Variants in AATF observed in about 807,000 individuals in gnomAD.
AATF encodes the protein protein AATF.
AATF carries 48 observed loss-of-function variants against 63.7 expected under a neutral mutation model. The ratio of observed to expected loss-of-function variants is 0.75; its 90% CI spans 0.60 to 0.96. AATF has a LOEUF of 0.96. Among genes scored for constraint, AATF ranks in the 40% least tolerant of loss-of-function variants. The probability of loss-of-function intolerance (pLI) is 0.00; values close to 1 mark genes in which losing one functional copy is unlikely to be tolerated. For missense variants in AATF, 639 were observed against 685.7 expected (o/e 0.93, Z 0.76); for synonymous variants, 258 against 247.7 (o/e 1.04, Z -0.39).
chr17:37,053,326 A>G (rs944809070), intron 11 of AATF, among the ~76,000 whole-genome samples: 3 of 152,030 alleles, frequency 2.0e-5, no homozygotes, highest in African/African-American at 7.2e-5. Context: ...ATATCCTAAT[A>G]ATAATCCAGA....
At chr17:37,017,966 A>C (rs2071440384) in intron 8 of AATF, among the ~76,000 whole-genome samples, 1 of 152,248 alleles carries the variant, frequency 6.6e-6, no homozygotes, top group African/African-American at 2.4e-5. Context: ...CCTCACCTAC[A>C]AAATCATTGC....
intron 7 of AATF, among the ~76,000 whole-genome samples, chr17:36,990,071 CTATA>C (rs950464452): frequency 7.9e-6 from 1 of 126,342 alleles, no homozygotes; most frequent in Non-Finnish European, 1.9e-5. Context: ...ATTTGTGTAA[CTATA>C]TATGTGTGCA....
At chr17:36,996,874 A>G (rs891733197) in intron 8 of AATF, among the ~76,000 whole-genome samples, 2 of 152,242 alleles carry the variant, frequency 1.3e-5, no homozygotes, top group Non-Finnish European at 2.9e-5. Context: ...AAAAAACATC[A>G]GAGCATGACT....
intron 10 of AATF, among the ~76,000 whole-genome samples, chr17:37,027,061 A>G (rs1171221820): frequency 6.6e-6 from 1 of 152,200 alleles, no homozygotes; most frequent in Non-Finnish European, 1.5e-5. Context: ...CAGTTTAAAT[A>G]ATAACACTTC....
chr17:37,033,223 T>A (rs1025526666), intron 11 of AATF, among the ~76,000 whole-genome samples: 3 of 152,240 alleles, frequency 2.0e-5, no homozygotes. Flanking sequence ...TGTCTAGATA[T>A]GGCCATGGTT....
chr17:36,964,525 A>ACCAAT (rs1567966730), intron 4 of AATF, among the ~76,000 whole-genome samples: 3 of 152,100 alleles, frequency 2.0e-5, no homozygotes, highest in Non-Finnish European at 4.4e-5. Flanking sequence ...CAAAACAAAA[A>ACCAAT]CCAATAAACT....
At chr17:36,971,404 C>T (rs1241901090) in intron 4 of AATF, among the ~76,000 whole-genome samples, 13 of 152,206 alleles carry the variant, frequency 8.5e-5, no homozygotes, top group African/African-American at 3.1e-4. Flanking sequence ...AACACAAATA[C>T]ACACCTGACA....
At chr17:37,007,106 T>C (rs2071346851) in intron 8 of AATF, among the ~76,000 whole-genome samples, 1 of 152,190 alleles carries the variant, frequency 6.6e-6, no homozygotes, top group African/African-American at 2.4e-5. Flanking sequence ...TCTGTAAATA[T>C]TGCACTTCCC....
intron 11 of AATF, among the ~76,000 whole-genome samples, chr17:37,053,051 C>G (rs534431508): frequency 6.6e-6 from 1 of 152,292 alleles, no homozygotes; most frequent in Non-Finnish European, 1.5e-5. Context: ...TGCCAGAACT[C>G]TGTCATTCCT....
chr17:37,009,456 G>T (rs879893654), intron 8 of AATF, among the ~76,000 whole-genome samples: 4 of 151,304 alleles, frequency 2.6e-5, no homozygotes, highest in African/African-American at 4.9e-5. Context: ...CAGTTAAATG[G>T]TTTTTTTTAT....
intron 4 of AATF, among the ~76,000 whole-genome samples, chr17:36,984,985 T>G (rs1393864660): frequency 6.8e-6 from 1 of 148,124 alleles, no homozygotes; most frequent in Non-Finnish European, 1.5e-5. Context: ...CACTGCAACC[T>G]CTGCCTCCCA....
chr17:37,009,709 G>T (rs913771822), intron 8 of AATF, among the ~76,000 whole-genome samples: 19 of 149,926 alleles, frequency 1.3e-4, no homozygotes, highest in Non-Finnish European at 2.1e-4. Context: ...CCCAGCTACT[G>T]GGGAGGCTGA....
At chr17:36,951,387 T>C (rs1449917593) in intron 2 of AATF, among the ~76,000 whole-genome samples, 1 of 152,136 alleles carries the variant, frequency 6.6e-6, no homozygotes, top group Non-Finnish European at 1.5e-5. Context: ...CGTCAGGCAC[T>C]GAGTTTAGCT....
At chr17:36,958,781 T>C (rs1452067547) in intron 4 of AATF, among the ~76,000 whole-genome samples, 1 of 152,228 alleles carries the variant, frequency 6.6e-6, no homozygotes, top group Non-Finnish European at 1.5e-5. Context: ...TCAGCATGTA[T>C]GTTCAAAAGA....
intron 11 of AATF, chr17:37,054,722 G>A (rs2071783719): frequency 7.9e-5 from 12 of 152,276 alleles, no homozygotes; most frequent in Admixed American, 7.9e-4. Context: ...TGGTAATGAT[G>A]GGGTCTGGTG....
intron 4 of AATF, among the ~76,000 whole-genome samples, chr17:36,982,648 A>T (rs1475206884): frequency 6.6e-6 from 1 of 152,142 alleles, no homozygotes; most frequent in Non-Finnish European, 1.5e-5. Flanking sequence ...CACCGCGCCC[A>T]GCCCAGTGTT....
intron 11 of AATF, 155 bp from the exon 12 acceptor site, chr17:37,056,446 G>A: frequency 8.7e-6 from 6 of 686,134 alleles, no homozygotes; most frequent in Non-Finnish European, 1.5e-5. Flanking sequence ...TCCTTCTGTT[G>A]TATTTGTGAG....
chr17:37,029,634 C>T (rs904917555), intron 10 of AATF, among the ~76,000 whole-genome samples: 4 of 152,072 alleles, frequency 2.6e-5, no homozygotes, highest in African/African-American at 9.7e-5. Context: ...GACATAATCT[C>T]GATTCACTGC....
intron 11 of AATF, chr17:37,034,611 C>T (rs2071576398): frequency 6.6e-6 from 1 of 151,872 alleles, no homozygotes; most frequent in African/African-American, 2.4e-5. Flanking sequence ...TAAGAATGAC[C>T]ACAGGGCCAG....
Sources: gnomAD v4.1 joint callset for allele counts (sites outside exome capture counted in the v4.1 genomes callset) on GRCh38, gnomAD v4.1.1 for gene constraint, MANE v1.5 for transcripts, NCBI Gene and HGNC (gene_info 2026-07-23, HGNC 2026-07-21) for gene names.